Variants in SPINT2 observed in about 807,000 individuals in gnomAD.
The protein encoded by SPINT2 is kunitz-type protease inhibitor 2.
In SPINT2, 18 loss-of-function variants were observed where a neutral mutation model predicts 30.1. The observed-to-expected ratio is 0.60, with a 90% CI of 0.41 to 0.89. The LOEUF is 0.89. Among genes scored for constraint, SPINT2 ranks in the 40% least tolerant of loss-of-function variants. The pLI, the probability that SPINT2 is intolerant of heterozygous loss-of-function variation, is 0.00. For missense variants in SPINT2, 276 were observed against 334.3 expected (o/e 0.83, Z 1.36); for synonymous variants, 139 against 137.9 (o/e 1.01, Z -0.05).
At position 38,292,080 on chromosome 19, in the gene SPINT2, C is replaced by T; in HGVS notation, c.*74C>T. On this transcript the variant is annotated 3_prime_UTR_variant, in exon 7 of 7. Transcript: ENST00000301244. ...AGCTTTTTTTAAATAGAGGGATTGACTCGGATTTGAGTGATCATTAGGGCT... is the reference window on the plus strand; with the variant it reads ...AGCTTTTTTTAAATAGAGGGATTGATTCGGATTTGAGTGATCATTAGGGCT... 3 of 1,566,158 alleles carry T rather than the reference C, an allele frequency of 1.9e-6. No individual in the cohort carries two copies. The highest frequency in any genetic ancestry group is 1.7e-6 in the Non-Finnish European group (2 of 1,154,338).
chr19:38,273,384 AG>A (rs1212933908), intron 1 of SPINT2, among the ~76,000 whole-genome samples: 1 of 152,144 alleles, frequency 6.6e-6, no homozygotes, highest in African/African-American at 2.4e-5. Context: ...GAATTGAAAT[AG>A]GCTTCAGTAC....
intron 1 of SPINT2, 144 bp downstream of exon 1, chr19:38,265,142 G>A: frequency 2.8e-6 from 2 of 725,600 alleles, no homozygotes; most frequent in Non-Finnish European, 4.4e-6. Context: ...AACCAGCCCT[G>A]GAGGATTGAG....
rs1317573920 is a variant in SPINT2 at position 38,290,287 on chromosome 19, C to T, written c.553+7C>T. 3.1e-6 allele frequency: 5 copies of T among 1,611,186 alleles called. No individual in the cohort carries two copies. Among genetic ancestry groups the T allele is most frequent in the Non-Finnish European group, 4.2e-6 (5 of 1,179,610 alleles). On this transcript the variant is annotated splice_region_variant and intron_variant, in intron 5 of 6. Coordinates refer to ENST00000301244, the MANE Select transcript of SPINT2 (RefSeq NM_021102.4). The surrounding 1 kb of genome is among the most constrained non-coding windows in gnomAD (Gnocchi z 4.3). ...TGCATGCTCCGCTGCTTCCGTAAGT[C>T]TGCAGCCCCTCAGCCCAGGAAGCCC...
At chr19:38,267,476 G>A (rs1317479668) in intron 1 of SPINT2, among the ~76,000 whole-genome samples, 1 of 152,114 alleles carries the variant, frequency 6.6e-6, no homozygotes, top group Non-Finnish European at 1.5e-5. Flanking sequence ...GAAAACATGA[G>A]GGGGCGGAGG....
At chr19:38,280,181 G>A (rs1451203036) in intron 1 of SPINT2, among the ~76,000 whole-genome samples, 1 of 152,158 alleles carries the variant, frequency 6.6e-6, no homozygotes, top group Non-Finnish European at 1.5e-5. Context: ...CAAGCTAGAA[G>A]AGGCACTGGC....
chr19:38,291,073 A>C, intron 6 of SPINT2: 1 of 206,106 alleles, frequency 4.9e-6, no homozygotes, highest in Non-Finnish European at 1.0e-5. Flanking sequence ...CTCTTTCTCC[A>C]CCTGTTTCCC....
In SPINT2 at chr19:38,290,609, C is replaced by A. The variant is rs766864637; in HGVS notation, c.592+34C>A. ...CCCCTTACCCTCCTCCTGCCATCAG[C>A]CTGCCTCCTCCCTTCCTTGACTGAG... On this transcript the variant is annotated intron_variant, in intron 6 of 6. Coordinates refer to ENST00000301244, the MANE Select transcript of SPINT2 (RefSeq NM_021102.4). The surrounding 1 kb of genome is among the most constrained non-coding windows in gnomAD (Gnocchi z 4.3). The A allele has an allele frequency of 9.3e-6, 15 of 1,610,234 alleles. No individual in the cohort carries two copies. The highest frequency in any genetic ancestry group is 1.3e-5 in the African/African-American group (1 of 74,968).
chr19:38,290,285 G>A lies in SPINT2; in HGVS notation c.553+5G>A. ...CCTGCATGCTCCGCTGCTTCCGTAA[G>A]TCTGCAGCCCCTCAGCCCAGGAAGC... On this transcript the variant is annotated splice_donor_5th_base_variant and intron_variant, in intron 5 of 6. Coordinates refer to ENST00000301244, the MANE Select transcript of SPINT2 (RefSeq NM_021102.4). The surrounding 1 kb of genome is among the most constrained non-coding windows in gnomAD (Gnocchi z 4.3). 6.2e-7 allele frequency: 1 copy of A among 1,611,472 alleles called. No homozygotes were observed. The highest frequency in any genetic ancestry group is 2.2e-5 in the East Asian group (1 of 44,884).
At chr19:38,286,145 C>T (rs1165565029) in intron 2 of SPINT2, among the ~76,000 whole-genome samples, 1 of 152,164 alleles carries the variant, frequency 6.6e-6, no homozygotes, top group Admixed American at 6.5e-5. Flanking sequence ...ACTGCCAGGG[C>T]TGCTAGTGCC....
chr19:38,283,833 CTTTTTTTTTTTT>C (rs754820019), intron 2 of SPINT2, 36 bp downstream of exon 2: 347 of 940,684 alleles, frequency 3.7e-4, no homozygotes, highest in East Asian at 9.7e-4. Context: ...TGTTTTTTTC[CTTTTTTTTTTTT>C]TTTTTTTTTT....
chr19:38,292,243 G>A lies in SPINT2; in HGVS notation c.*237G>A, dbSNP rs1224393021. 10 of 511,984 alleles carry A rather than the reference G, an allele frequency of 2.0e-5. No homozygotes were observed. The highest frequency in any genetic ancestry group is 3.5e-5 in the Non-Finnish European group (10 of 285,188). The allele number at this position is 511,984 out of a possible 1,614,324, so 31.7% of individuals were successfully genotyped here. A position where few individuals can be genotyped will look rare whatever the true frequency, so the allele number is the denominator to read the frequency against. Reference sequence around the variant, plus strand: ...GCCCCGAGTTGTTTCCTCGCTGATCGATTTCTTTCCTCCAGGTAGAGTTTT... The same window carrying A: ...GCCCCGAGTTGTTTCCTCGCTGATCAATTTCTTTCCTCCAGGTAGAGTTTT... On this transcript the variant is annotated 3_prime_UTR_variant, in exon 7 of 7. Coordinates refer to ENST00000301244, the MANE Select transcript of SPINT2 (RefSeq NM_021102.4).
chr19:38,287,995 A>G, intron 3 of SPINT2, 60 bp downstream of exon 3: 2 of 1,573,656 alleles, frequency 1.3e-6, no homozygotes, highest in Admixed American at 3.3e-5. Flanking sequence ...TTGTGAAAGG[A>G]CACTTGTCAT....
chr19:38,277,612 T>A (rs1042750425), intron 1 of SPINT2, among the ~76,000 whole-genome samples: 1 of 152,218 alleles, frequency 6.6e-6, no homozygotes, highest in African/African-American at 2.4e-5. Context: ...GACTGTAGAT[T>A]GTTGTCTTAG....
chr19:38,292,272 T>C lies in SPINT2; in HGVS notation c.*266T>C. 1 of 426,604 alleles carries C rather than the reference T, an allele frequency of 2.3e-6. No individual in the cohort carries two copies. The highest frequency in any genetic ancestry group is 4.3e-6 in the Non-Finnish European group (1 of 232,572). The allele number at this position is 426,604 out of a possible 1,614,324, so 26.4% of individuals were successfully genotyped here. Reference sequence around the variant, plus strand: ...TCTTTCCTCCAGGTAGAGTTTTCTTTGCTTATGTTGAATTCCATTGCCTCT... The same window carrying C: ...TCTTTCCTCCAGGTAGAGTTTTCTTCGCTTATGTTGAATTCCATTGCCTCT... On this transcript the variant is annotated 3_prime_UTR_variant, in exon 7 of 7. Transcript: ENST00000301244.
intron 1 of SPINT2, among the ~76,000 whole-genome samples, chr19:38,279,656 TC>T (rs1968558674): frequency 6.6e-6 from 1 of 152,206 alleles, no homozygotes; most frequent in African/African-American, 2.4e-5. Flanking sequence ...TTTTTCTTTT[TC>T]TTTTTTGTTT....
chr19:38,271,217 C>T (rs1968451231), intron 1 of SPINT2, among the ~76,000 whole-genome samples: 2 of 152,168 alleles, frequency 1.3e-5, no homozygotes, highest in Admixed American at 6.5e-5. Context: ...CGAGGCCGGG[C>T]GCGGTGGCTC....
intron 1 of SPINT2, 41 bp downstream of exon 1, chr19:38,265,039 G>T (rs1260146132): frequency 1.3e-6 from 2 of 1,495,688 alleles, no homozygotes; most frequent in Non-Finnish European, 1.8e-6. Flanking sequence ...GGCGCAGGGG[G>T]CAGAGGCTCG....
Position 38,290,667 on chromosome 19 carries a change from C to A in SPINT2, c.592+92C>A. ...CTGCCCAGCTGTGGTTTACATTATCCTTCACTGTGAACATCATCTTGGCAG... is the reference window on the plus strand; with the variant it reads ...CTGCCCAGCTGTGGTTTACATTATCATTCACTGTGAACATCATCTTGGCAG... On this transcript the variant is annotated intron_variant, in intron 6 of 6. Transcript: ENST00000301244. This position sits in a 1 kb window ranked among gnomAD's most constrained non-coding sequence, Gnocchi z 4.3. The A allele has an allele frequency of 1.4e-6, 2 of 1,475,042 alleles. No individual in the cohort carries two copies. Among genetic ancestry groups the A allele is most frequent in the Non-Finnish European group, 1.9e-6 (2 of 1,077,076 alleles). 91.4% of individuals were successfully genotyped at this position (1,475,042 alleles called of 1,614,324 possible). A position where few individuals can be genotyped will look rare whatever the true frequency, so the allele number is the denominator to read the frequency against.
intron 1 of SPINT2, among the ~76,000 whole-genome samples, chr19:38,270,462 G>A (rs1003437316): frequency 2.0e-5 from 3 of 152,266 alleles, no homozygotes; most frequent in South Asian, 2.1e-4. Flanking sequence ...TCCCCCATCC[G>A]TGGCAGACGT....
Sources: gnomAD v4.1 joint callset for allele counts (sites outside exome capture counted in the v4.1 genomes callset) on GRCh38, gnomAD v4.1.1 for gene constraint, Gnocchi (gnomAD v3.1) non-coding constraint, MANE v1.5 for transcripts, NCBI Gene and HGNC (gene_info 2026-07-23, HGNC 2026-07-21) for gene names.